Variants in RAPGEF4 observed in about 807,000 individuals in gnomAD.
RAPGEF4 encodes RAP guanine-nucleotide-exchange factor (GEF) 4.
RAPGEF4 carries 66 observed loss-of-function variants against 147.9 expected under a neutral mutation model. The observed-to-expected ratio is 0.45, with a 90% CI of 0.37 to 0.55. The LOEUF is 0.55. Among genes scored for constraint, RAPGEF4 ranks in the 20% least tolerant of loss-of-function variants. RAPGEF4 has a pLI of 0.00. For synonymous variants in RAPGEF4, 419 were observed against 442.7 expected (o/e 0.95, Z 0.67); for missense variants, 1,071 against 1,257.3 (o/e 0.85, Z 2.24).
chr2:172,830,437 G>A (rs560272411), intron 4 of RAPGEF4, among the ~76,000 whole-genome samples: 116 of 152,290 alleles, frequency 7.6e-4, no homozygotes, highest in Non-Finnish European at 5.3e-4. Context: ...TTGAGCTACC[G>A]CAGGAGTTTT....
chr2:173,009,420 A>T (rs1233566763), intron 17 of RAPGEF4, among the ~76,000 whole-genome samples: 3 of 152,122 alleles, frequency 2.0e-5, no homozygotes, highest in Non-Finnish European at 4.4e-5. Flanking sequence ...TGAGTTTACG[A>T]CCTCGTTCCT....
At chr2:172,841,473 A>G (rs1691588294) in intron 4 of RAPGEF4, among the ~76,000 whole-genome samples, 1 of 152,202 alleles carries the variant, frequency 6.6e-6, no homozygotes, top group Non-Finnish European at 1.5e-5. Flanking sequence ...CTTTATGGCA[A>G]TACAAACAGA....
chr2:172,813,413 AC>A (rs1688203395), intron 3 of RAPGEF4, among the ~76,000 whole-genome samples: 1 of 152,220 alleles, frequency 6.6e-6, no homozygotes, highest in Admixed American at 6.5e-5. Context: ...ACCTTAAGAA[AC>A]TTTTAAATCA....
intron 4 of RAPGEF4, among the ~76,000 whole-genome samples, chr2:172,850,137 A>G (rs1238838919): frequency 3.3e-5 from 5 of 152,008 alleles, no homozygotes; most frequent in Non-Finnish European, 1.5e-5. Flanking sequence ...GGGCGTGGGG[A>G]TGCTGAGAAT....
chr2:172,849,226 T>C (rs1692554117), intron 4 of RAPGEF4, among the ~76,000 whole-genome samples: 2 of 152,188 alleles, frequency 1.3e-5, no homozygotes, highest in Admixed American at 1.3e-4. Flanking sequence ...TAGAAACTGA[T>C]TTATAGTTCT....
intron 4 of RAPGEF4, among the ~76,000 whole-genome samples, chr2:172,833,789 A>G (rs1690633273): frequency 1.3e-5 from 2 of 152,212 alleles, no homozygotes; most frequent in African/African-American, 4.8e-5. Context: ...TTTTTCCTCA[A>G]GACATTTCAT....
In RAPGEF4 at chr2:172,983,559, C is replaced by G. The variant is rs17301507; in HGVS notation, c.1068C>G (p.Ala356=). 0.026 allele frequency: 41,380 copies of G among 1,613,238 alleles called. 1,201 individuals are homozygous for G. Among genetic ancestry groups the G allele is most frequent in the Admixed American group, 0.13 (7,699 of 59,830 alleles). Residue 356 remains alanine, a synonymous_variant, in exon 11 of 31, where the codon GCC becomes GCG. Transcript: ENST00000397081. ...ATGAGGAGCTTCTTCATATTAAAGC[C>G]TTATCCCATCTTTCTACCACAGTAA... is the stretch of plus-strand genomic sequence containing the variant. ...IIYEELLHIK[A]LSHLSTTVKR...
At chr2:172,977,587 A>G (rs1878386) in intron 10 of RAPGEF4, among the ~76,000 whole-genome samples, 17,958 of 151,932 alleles carry the variant, frequency 0.12, 1,146 homozygotes, top group South Asian at 0.23. Context: ...CTGAGCCCCC[A>G]CTAGGGTGGG....
chr2:172,896,092 C>A (rs948135918), intron 4 of RAPGEF4, among the ~76,000 whole-genome samples: 1 of 152,108 alleles, frequency 6.6e-6, no homozygotes, highest in Non-Finnish European at 1.5e-5. Context: ...CATTCTTATG[C>A]CAGATTACAT....
intron 4 of RAPGEF4, among the ~76,000 whole-genome samples, chr2:172,868,505 T>C (rs1157917569): frequency 1.3e-5 from 2 of 152,148 alleles, no homozygotes; most frequent in Non-Finnish European, 2.9e-5. Flanking sequence ...AAGGAATCTT[T>C]GTATTGGGGA....
intron 29 of RAPGEF4, among the ~76,000 whole-genome samples, chr2:173,038,598 G>T (rs1684348004): frequency 3.9e-5 from 6 of 152,158 alleles, no homozygotes; most frequent in Admixed American, 3.9e-4. Flanking sequence ...AGGTTGGGGA[G>T]CAAGGGGAGG....
At chr2:172,964,761 C>G (rs1689655890) in intron 8 of RAPGEF4, among the ~76,000 whole-genome samples, 1 of 152,182 alleles carries the variant, frequency 6.6e-6, no homozygotes. Flanking sequence ...CTTGAACCAT[C>G]ATGTTGTGGA....
intron 4 of RAPGEF4, among the ~76,000 whole-genome samples, chr2:172,905,930 G>T (rs1699580039): frequency 6.6e-6 from 1 of 152,216 alleles, no homozygotes. Context: ...GTGATCTATT[G>T]TGGGAAAGGC....
chr2:173,045,160 T>A (rs1431987855), intron 29 of RAPGEF4, among the ~76,000 whole-genome samples: 1 of 152,208 alleles, frequency 6.6e-6, no homozygotes, highest in East Asian at 1.9e-4. Flanking sequence ...AGACTCTAAC[T>A]AGATGGTTTT....
At chr2:172,877,220 T>G (rs1253317433) in intron 4 of RAPGEF4, among the ~76,000 whole-genome samples, 2 of 152,128 alleles carry the variant, frequency 1.3e-5, no homozygotes, top group African/African-American at 4.8e-5. Context: ...TGCAGGGACA[T>G]GGATGAAGCT....
chr2:172,942,283 G>A (rs1042387453), intron 6 of RAPGEF4, among the ~76,000 whole-genome samples: 3 of 150,696 alleles, frequency 2.0e-5, no homozygotes, highest in Admixed American at 6.6e-5. Flanking sequence ...ACCATGTTCT[G>A]CAATAGATCT....
Position 172,990,892 on chromosome 2 carries a change from C to G in RAPGEF4, c.1457C>G (p.Ala486Gly), listed in dbSNP as rs1393898884. 1.2e-6 allele frequency: 2 copies of G among 1,613,922 alleles called. No homozygotes were observed. Among genetic ancestry groups the G allele is most frequent in the Non-Finnish European group, 1.7e-6 (2 of 1,179,886 alleles). The stretch of plus-strand genomic sequence containing the variant: ...GAGAAGGTCCCAGCAGGGAACAGAG[C>G]TTCTAATCAAGGAAACTCACAGCCT... Reference protein sequence around the residue: ...VLEKVPAGNRASNQGNSQPQQ... With the variant: ...VLEKVPAGNRGSNQGNSQPQQ... Residue 486 changes from alanine to glycine, a missense_variant, in exon 15 of 31, where the codon GCT (alanine) becomes GGT (glycine). By Grantham distance (60) the Ala-to-Gly change is moderately conservative. Coordinates refer to ENST00000397081, the MANE Select transcript of RAPGEF4 (RefSeq NM_007023.4).
intron 6 of RAPGEF4, among the ~76,000 whole-genome samples, chr2:172,956,770 C>T (rs906535042): frequency 2.0e-5 from 3 of 152,162 alleles, no homozygotes; most frequent in African/African-American, 7.2e-5. Context: ...GCGCCTGGCC[C>T]ACAAAGTTGC....
intron 4 of RAPGEF4, among the ~76,000 whole-genome samples, chr2:172,912,926 TTGTC>T (rs1683607176): frequency 6.7e-6 from 1 of 149,518 alleles, no homozygotes; most frequent in Admixed American, 6.7e-5. Flanking sequence ...GATGGAGTGT[TTGTC>T]TGTCGCCCAG....
Sources: gnomAD v4.1 joint callset for allele counts (sites outside exome capture counted in the v4.1 genomes callset) on GRCh38, gnomAD v4.1.1 for gene constraint, MANE v1.5 for transcripts, NCBI Gene and HGNC (gene_info 2026-07-23, HGNC 2026-07-21) for gene names.